The following ARL2 variants were observed in gnomAD, a reference collection of about 807,000 sequenced individuals.
ARL2 encodes ARF like GTPase 2.
ARL2 carries 11 observed loss-of-function variants against 22.0 expected under a neutral mutation model. The ratio of observed to expected loss-of-function variants is 0.50; its 90% CI spans 0.31 to 0.83. The LOEUF (loss-of-function observed/expected upper bound fraction) is 0.83. ARL2 is among the 40% of genes least tolerant of loss of function. The probability of loss-of-function intolerance (pLI) is 0.04; values close to 1 mark genes in which losing one functional copy is unlikely to be tolerated. For synonymous variants in ARL2, 111 were observed against 100.8 expected (o/e 1.10, Z -0.61); for missense variants, 216 against 243.2 (o/e 0.89, Z 0.74).
chr11:65,021,310 C>T (rs969031678), intron 4 of ARL2, among the ~76,000 whole-genome samples: 1 of 152,184 alleles, frequency 6.6e-6, no homozygotes, highest in African/African-American at 2.4e-5. Flanking sequence ...CTTGGCTCTG[C>T]CACTTATGAG....
chr11:65,016,622 T>C (rs1473606129), intron 1 of ARL2, among the ~76,000 whole-genome samples: 1 of 151,934 alleles, frequency 6.6e-6, no homozygotes, highest in Non-Finnish European at 1.5e-5. Context: ...GAGGAGCAGG[T>C]TCAGGGTGGA....
chr11:65,021,803 G>C lies in ARL2; in HGVS notation c.503G>C (p.Gly168Ala). ...SAVTGENLLPGIDWLLDDISS... is the reference protein window; with the variant it reads ...SAVTGENLLPAIDWLLDDISS... ...GTCACCGGGGAGAACCTGCTGCCGG[G>C]CATCGACTGGCTCCTGGATGACATT... Residue 168 changes from glycine to alanine, a missense_variant, in exon 5 of 5, where the codon GGC becomes GCC. Gly to Ala is a moderately conservative substitution (Grantham distance 60). Transcript: ENST00000246747. 1 of 1,613,344 alleles carries C rather than the reference G, an allele frequency of 6.2e-7. No homozygotes were observed. Among genetic ancestry groups the C allele is most frequent in the East Asian group, 2.2e-5 (1 of 44,894 alleles).
intron 3 of ARL2, chr11:65,019,577 C>G (rs1437207913): frequency 3.3e-5 from 5 of 152,740 alleles, no homozygotes; most frequent in Admixed American, 3.3e-4. Context: ...AAAGATAGTA[C>G]AGAGGTCAGA....
intron 4 of ARL2, 54 bp from the exon 5 acceptor site, chr11:65,021,667 G>T: frequency 1.3e-6 from 2 of 1,540,916 alleles, no homozygotes; most frequent in Non-Finnish European, 1.8e-6. Context: ...GGGGCTGACG[G>T]CAGGCAGGGT....
Position 65,018,223 on chromosome 11 carries a change from T to A in ARL2, c.66-141T>A, listed in dbSNP as rs1341623958. On this transcript the variant is annotated intron_variant, in intron 1 of 4. Coordinates refer to ENST00000246747, the MANE Select transcript of ARL2 (RefSeq NM_001667.4). The surrounding 1 kb of genome is among the most constrained non-coding windows in gnomAD (Gnocchi z 4.2). ...ATTTATAATTTGATACTTTCATATTTATTGTGGGCCGATTATGGTCAGGCA... is the reference window on the plus strand; with the variant it reads ...ATTTATAATTTGATACTTTCATATTAATTGTGGGCCGATTATGGTCAGGCA... 2 of 656,644 alleles carry A rather than the reference T, an allele frequency of 3.0e-6. No homozygotes were observed. Among genetic ancestry groups the A allele is most frequent in the African/African-American group, 1.8e-5 (1 of 54,804 alleles). 40.7% of individuals were successfully genotyped at this position (656,644 alleles called of 1,614,324 possible).
chr11:65,016,611 G>A (rs932928598), intron 1 of ARL2, among the ~76,000 whole-genome samples: 2 of 152,104 alleles, frequency 1.3e-5, no homozygotes, highest in Non-Finnish European at 2.9e-5. Context: ...GAGGACTGGG[G>A]GAGGAGCAGG....
In ARL2 at chr11:65,022,046, G is replaced by A. The variant is rs1436529795; in HGVS notation, c.*191G>A. ...ATGGCGGGAGGGCTGTGCCCTGGCT[G>A]TCTCTCTGGCTCCTGACCTGGCCTT... On this transcript the variant is annotated 3_prime_UTR_variant, in exon 5 of 5. Transcript: ENST00000246747. The A allele has an allele frequency of 2.5e-6, 2 of 813,708 alleles. No homozygotes were observed. Among genetic ancestry groups the A allele is most frequent in the South Asian group, 1.8e-5 (1 of 55,918 alleles). The allele number at this position is 813,708 out of a possible 1,614,324, so 50.4% of individuals were successfully genotyped here.
At chr11:65,020,061 C>T (rs1298804145) in intron 3 of ARL2, among the ~76,000 whole-genome samples, 1 of 152,240 alleles carries the variant, frequency 6.6e-6, no homozygotes, top group Non-Finnish European at 1.5e-5. Context: ...GGAGAGTTCA[C>T]ATCCTCTGTG....
At chr11:65,015,519 A>G (rs1946240265) in intron 1 of ARL2, among the ~76,000 whole-genome samples, 1 of 152,238 alleles carries the variant, frequency 6.6e-6, no homozygotes, top group African/African-American at 2.4e-5. Context: ...GCCCAGGGTA[A>G]TAAAACTAAA....
intron 4 of ARL2, chr11:65,021,500 A>G: frequency 4.2e-6 from 2 of 481,444 alleles, no homozygotes; most frequent in East Asian, 6.2e-5. Context: ...CTGCATTTAC[A>G]TCACTAAGGG....
rs745842096 is a variant in ARL2 at position 65,020,493 on chromosome 11, C to T, written c.414C>T (p.Ile138=). 1.2e-5 allele frequency: 20 copies of T among 1,609,612 alleles called. No individual in the cohort carries two copies. The highest frequency in any genetic ancestry group is 2.7e-5 in the African/African-American group (2 of 74,772). The stretch of plus-strand genomic sequence containing the variant: ...CTGGAGCACTGTCCTCTAACGCCAT[C>T]CGCGAGGTGAGTCCAGGCCCCGGGA... The part of the protein sequence containing the change: ...DLPGALSSNA[I]REVLELDSIR... The change falls in exon 4 of 5, where the codon ATC becomes ATT. Residue 138 remains isoleucine (I), a synonymous_variant. Transcript: ENST00000246747.
At chr11:65,020,268 C>A in intron 3 of ARL2, 151 bp from the exon 4 acceptor site, 1 of 707,248 alleles carries the variant, frequency 1.4e-6, no homozygotes, top group Non-Finnish European at 2.5e-6. Flanking sequence ...TGGCTACGTC[C>A]ACAAACTCAC....
intron 1 of ARL2, among the ~76,000 whole-genome samples, chr11:65,014,621 G>C (rs1946227557): frequency 6.6e-6 from 1 of 152,198 alleles, no homozygotes; most frequent in South Asian, 2.1e-4. Context: ...TCCTCCCCCG[G>C]GCCCGAGGGT....
chr11:65,018,877 G>A lies in ARL2; in HGVS notation c.339+144G>A, dbSNP rs1202765158. ...GCCCCCACCATGGGAGGCCCATGGT[G>A]CCAGAGGCAGGACACATGCTGTGGA... On this transcript the variant is annotated intron_variant, in intron 3 of 4. Coordinates refer to ENST00000246747, the MANE Select transcript of ARL2 (RefSeq NM_001667.4). The surrounding 1 kb of genome is among the most constrained non-coding windows in gnomAD (Gnocchi z 4.2). The A allele has an allele frequency of 6.5e-7, 1 of 1,536,330 alleles. No homozygotes were observed. Among genetic ancestry groups the A allele is most frequent in the Admixed American group, 2.0e-5 (1 of 51,034 alleles).
rs1397870621 is a variant in ARL2 at position 65,018,631 on chromosome 11, C to G, written c.237C>G (p.Asn79Lys). The G allele has an allele frequency of 6.2e-7, 1 of 1,613,904 alleles. No homozygotes were observed. The highest frequency in any genetic ancestry group is 8.5e-7 in the Non-Finnish European group (1 of 1,179,960). ...AGTCCCTGCGGTCCTACTGGCGGAA[C>G]TACTTTGAGAGCACCGATGGCCTCA... ...GQKSLRSYWR[N>K]YFESTDGLIW... Residue 79 changes from asparagine (N) to lysine (K), a missense_variant, in exon 3 of 5, where the codon AAC (asparagine) becomes AAG (lysine). By Grantham distance (94) the Asn-to-Lys change is moderately conservative (BLOSUM62 0). Coordinates refer to ENST00000246747, the MANE Select transcript of ARL2 (RefSeq NM_001667.4). This position sits in a 1 kb window ranked among gnomAD's most constrained non-coding sequence, Gnocchi z 4.2.
intron 1 of ARL2, among the ~76,000 whole-genome samples, chr11:65,016,234 A>C (rs1386724340): frequency 3.2e-5 from 4 of 126,062 alleles, no homozygotes; most frequent in Non-Finnish European, 6.5e-5. Context: ...AATTGAGTAC[A>C]TGAGGGAGGC....
rs369145929 is a variant in ARL2, at chr11:65,021,783, C to G, written c.483C>G (p.Thr161=). Residue 161 remains threonine (T), a synonymous_variant, in exon 5 of 5, where the codon ACC becomes ACG. Coordinates refer to ENST00000246747, the MANE Select transcript of ARL2 (RefSeq NM_001667.4). ...HWCIQGCSAV[T]GENLLPGIDW... ...GCATCCAGGGCTGCAGCGCCGTCAC[C>G]GGGGAGAACCTGCTGCCGGGCATCG... The G allele has an allele frequency of 2.5e-6, 4 of 1,613,210 alleles. No individual in the cohort carries two copies. The East Asian group carries it at 6.7e-5, about 27-fold the overall frequency.
chr11:65,021,696 A>G (rs1201110151), intron 4 of ARL2, 25 bp from the exon 5 acceptor site: 2 of 1,581,004 alleles, frequency 1.3e-6, no homozygotes, highest in Non-Finnish European at 8.6e-7. Context: ...ACTGGCCACC[A>G]CCATCAGCAC....
At position 65,021,905 on chromosome 11, in the gene ARL2, C is replaced by T; in HGVS notation, c.*50C>T. 2 of 1,586,000 alleles carry T rather than the reference C, an allele frequency of 1.3e-6. No individual in the cohort carries two copies. The highest frequency in any genetic ancestry group is 1.7e-6 in the Non-Finnish European group (2 of 1,165,696). ...GCAGTCCAGGTCCCTCAACCTTCAC[C>T]AAACACTACCCATGGGGGGTTGGGA... On this transcript the variant is annotated 3_prime_UTR_variant, in exon 5 of 5. Transcript: ENST00000246747.
Sources: allele counts gnomAD v4.1 joint callset (sites outside exome capture counted in the v4.1 genomes callset), GRCh38; gene constraint gnomAD v4.1.1; non-coding constraint Gnocchi (gnomAD v3.1); transcripts MANE v1.5; gene names NCBI Gene and HGNC (gene_info 2026-07-23, HGNC 2026-07-21).